C1orf21: variants seen among roughly 807,000 people sequenced by gnomAD.
C1orf21 encodes uncharacterized protein C1orf21.
A neutral mutation model predicts 18.7 loss-of-function variants in C1orf21; 3 were observed. The ratio of observed to expected loss-of-function variants is 0.16; its 90% CI spans 0.07 to 0.42. C1orf21 has a LOEUF of 0.42. Ranked by LOEUF, C1orf21 falls within the 10% of genes least tolerant of loss-of-function variation. The probability of loss-of-function intolerance (pLI) is 0.99; values close to 1 mark genes in which losing one functional copy is unlikely to be tolerated. For synonymous variants in C1orf21, 41 were observed against 46.4 expected, an observed-to-expected ratio of 0.88 and a Z score of 0.47; for missense variants, 104 against 143.6, an observed-to-expected ratio of 0.72 and a Z score of 1.41.
At chr1:184,447,689 G>A (rs958524884) in intron 1 of C1orf21, among the ~76,000 whole-genome samples, 1 of 151,936 alleles carries the variant, frequency 6.6e-6, no homozygotes, top group Non-Finnish European at 1.5e-5. Context: ...CTGTCTTCTC[G>A]TTATTTGGTA....
intron 3 of C1orf21, among the ~76,000 whole-genome samples, chr1:184,516,949 A>G (rs1253197515): frequency 1.3e-5 from 2 of 152,208 alleles, no homozygotes; most frequent in East Asian, 3.8e-4. Flanking sequence ...GAAAACTGGG[A>G]AGTGGCCCTG....
intron 3 of C1orf21, among the ~76,000 whole-genome samples, chr1:184,588,083 A>T (rs1571291135): frequency 6.6e-6 from 1 of 152,296 alleles, no homozygotes; most frequent in Non-Finnish European, 1.5e-5. Flanking sequence ...ATTGAGTTGA[A>T]AGCTGAACTA....
chr1:184,408,171 A>G (rs1276708928), intron 1 of C1orf21, among the ~76,000 whole-genome samples: 1 of 152,250 alleles, frequency 6.6e-6, no homozygotes, highest in African/African-American at 2.4e-5. Context: ...AAGAATGAGA[A>G]AAGTGTCCTA....
chr1:184,424,944 C>T (rs1203146098), intron 1 of C1orf21, among the ~76,000 whole-genome samples: 2 of 152,148 alleles, frequency 1.3e-5, no homozygotes, highest in South Asian at 2.1e-4. Flanking sequence ...GCCCTGTATA[C>T]CTTGAATGGG....
chr1:184,566,446 C>T lies in C1orf21; in HGVS notation c.190-24293C>T, dbSNP rs145504591. 139 of 221,542 alleles carry T rather than the reference C, an allele frequency of 6.3e-4. 1 individual carries two copies. In the Middle Eastern group the frequency reaches 0.01, roughly 16 times the overall value. 13.7% of individuals were successfully genotyped at this position (221,542 alleles called of 1,614,324 possible). ...GCCGTGTTCAGCACAGTCCAGAGCGCGCCATATATATGAACTTGTTGTTCT... is the reference window on the plus strand; with the variant it reads ...GCCGTGTTCAGCACAGTCCAGAGCGTGCCATATATATGAACTTGTTGTTCT... On this transcript the variant is annotated intron_variant, in intron 3 of 5. Transcript: ENST00000235307.
At chr1:184,614,011 A>G (rs1457243406) in intron 5 of C1orf21, among the ~76,000 whole-genome samples, 1 of 152,138 alleles carries the variant, frequency 6.6e-6, no homozygotes, top group Non-Finnish European at 1.5e-5. Context: ...TCTCTGAAGA[A>G]ATAAAAATAA....
chr1:184,390,609 G>A (rs1655957413), intron 1 of C1orf21, among the ~76,000 whole-genome samples: 1 of 152,138 alleles, frequency 6.6e-6, no homozygotes, highest in Non-Finnish European at 1.5e-5. Flanking sequence ...AATGGATATA[G>A]TGAAGCCTCC....
intron 1 of C1orf21, among the ~76,000 whole-genome samples, chr1:184,469,983 A>C (rs1397082746): frequency 6.6e-6 from 1 of 152,210 alleles, no homozygotes; most frequent in African/African-American, 2.4e-5. Flanking sequence ...ATGTTTTTCC[A>C]TGGCTATTCT....
intron 2 of C1orf21, among the ~76,000 whole-genome samples, chr1:184,498,332 A>G (rs1482945899): frequency 6.6e-6 from 1 of 152,216 alleles, no homozygotes; most frequent in Non-Finnish European, 1.5e-5. Context: ...GCGCATAAAG[A>G]TCATTAAGAT....
chr1:184,537,837 C>T (rs186809273), intron 3 of C1orf21, among the ~76,000 whole-genome samples: 49 of 152,024 alleles, frequency 3.2e-4, no homozygotes, highest in African/African-American at 3.9e-4. Context: ...TTAGTAGAGA[C>T]GGGGTTTCTT....
intron 1 of C1orf21, among the ~76,000 whole-genome samples, chr1:184,456,625 G>A (rs1375115114): frequency 6.7e-6 from 1 of 148,446 alleles, no homozygotes; most frequent in Admixed American, 6.6e-5. Flanking sequence ...TTTAGAAACA[G>A]TTATGATAGC....
At chr1:184,537,771 C>T (rs1467187902) in intron 3 of C1orf21, among the ~76,000 whole-genome samples, 2 of 152,198 alleles carry the variant, frequency 1.3e-5, no homozygotes, top group Non-Finnish European at 2.9e-5. Context: ...CTGCCTCAGC[C>T]TCCCGAGTAG....
intron 1 of C1orf21, among the ~76,000 whole-genome samples, chr1:184,406,431 GT>G (rs1656250537): frequency 6.6e-6 from 1 of 152,124 alleles, no homozygotes; most frequent in South Asian, 2.1e-4. Flanking sequence ...GATAAGTGTT[GT>G]TTTTTGGAAA....
At chr1:184,487,480 T>C (rs1657749586) in intron 2 of C1orf21, among the ~76,000 whole-genome samples, 1 of 152,212 alleles carries the variant, frequency 6.6e-6, no homozygotes, top group Non-Finnish European at 1.5e-5. Context: ...ACTTAAGAAG[T>C]GGGACGGTGG....
chr1:184,617,415 T>A (rs1391506647), intron 5 of C1orf21, among the ~76,000 whole-genome samples: 1 of 152,222 alleles, frequency 6.6e-6, no homozygotes, highest in African/African-American at 2.4e-5. Flanking sequence ...CATCATCTGA[T>A]ATTTATGGCA....
At chr1:184,440,988 G>A (rs1412664491) in intron 1 of C1orf21, among the ~76,000 whole-genome samples, 1 of 152,182 alleles carries the variant, frequency 6.6e-6, no homozygotes, top group Non-Finnish European at 1.5e-5. Flanking sequence ...CCTATTTGAT[G>A]TTTTTTGTTT....
chr1:184,549,076 A>T (rs975940343), intron 3 of C1orf21, among the ~76,000 whole-genome samples: 1 of 152,202 alleles, frequency 6.6e-6, no homozygotes, highest in Non-Finnish European at 1.5e-5. Context: ...GAGAAGAGGT[A>T]TATAGGTTTT....
intron 2 of C1orf21, among the ~76,000 whole-genome samples, chr1:184,493,637 T>C (rs1657848853): frequency 1.3e-5 from 2 of 152,244 alleles, no homozygotes; most frequent in South Asian, 4.1e-4. Flanking sequence ...TCAAATTATG[T>C]ATGAAATAGG....
chr1:184,566,173 C>G lies in C1orf21; in HGVS notation c.190-24566C>G, dbSNP rs1357537761. On this transcript the variant is annotated intron_variant, in intron 3 of 5. Coordinates refer to ENST00000235307, the MANE Select transcript of C1orf21 (RefSeq NM_030806.4). ...CGAGGTGCCCAGGCCAGCTGCTATACTGGCACTGGGAGGAGCCCCACGTTC... is the reference window on the plus strand; with the variant it reads ...CGAGGTGCCCAGGCCAGCTGCTATAGTGGCACTGGGAGGAGCCCCACGTTC... 2.6e-5 allele frequency among the ~76,000 whole-genome samples: 4 copies of G among 152,156 alleles called. No individual in the cohort carries two copies. The South Asian group carries it at 6.2e-4, about 24-fold the overall frequency.
Sources: allele counts gnomAD v4.1 joint callset (sites outside exome capture counted in the v4.1 genomes callset), GRCh38; gene constraint gnomAD v4.1.1; transcripts MANE v1.5; gene names NCBI Gene and HGNC (gene_info 2026-07-23, HGNC 2026-07-21).